CDC42SE2: variants seen among roughly 807,000 people sequenced by gnomAD.
The protein encoded by CDC42SE2 is CDC42 small effector protein 2.
Under a neutral mutation model 11.5 loss-of-function variants are expected in CDC42SE2, and 3 were observed. That is an observed-to-expected ratio of 0.26 (90% confidence interval 0.12 to 0.67). The LOEUF is 0.67. CDC42SE2 is among the 30% of genes least tolerant of loss of function. CDC42SE2 has a pLI of 0.80. For synonymous variants in CDC42SE2, 33 were observed against 34.8 expected (o/e 0.95, Z 0.18); for missense variants, 82 against 106.8 (o/e 0.77, Z 1.02).
chr5:131,224,330 G>C, the CDC42SE2 span, among the ~76,000 whole-genome samples: 1 of 152,112 alleles, frequency 6.6e-6, no homozygotes, highest in Non-Finnish European at 1.5e-5. Flanking sequence ...AGATCTCATA[G>C]AGAATTCCAG....
chr5:131,257,841 C>T lies in CDC42SE2; in HGVS notation n.242+2612C>T, dbSNP rs369827477. 5.9e-5 allele frequency among the ~76,000 whole-genome samples: 9 copies of T among 152,236 alleles called. No homozygotes were observed. The South Asian group carries it at 1.0e-3, about 18-fold the overall frequency. ...TTTGAGACCATCTAACAAGATATTCCGTTTCTCCTCTTCCTGGATTCCTGG... is the reference window on the plus strand; with the variant it reads ...TTTGAGACCATCTAACAAGATATTCTGTTTCTCCTCTTCCTGGATTCCTGG... On this transcript the variant is annotated intron_variant and non_coding_transcript_variant, in intron 2 of 3. Coordinates refer to the CDC42SE2 transcript ENST00000502840.
intron 2 of CDC42SE2, among the ~76,000 whole-genome samples, chr5:131,322,733 T>C (rs952574175): frequency 1.3e-5 from 2 of 152,206 alleles, no homozygotes; most frequent in African/African-American, 4.8e-5. Flanking sequence ...TCTTGGCTGT[T>C]GTGCTACCTC....
At chr5:131,220,884 CTTTTT>C in the CDC42SE2 span, among the ~76,000 whole-genome samples, 1 of 129,036 alleles carries the variant, frequency 7.7e-6, no homozygotes, top group Non-Finnish European at 1.6e-5. Context: ...CACCAGAAAC[CTTTTT>C]TTTTTTTTTT....
At chr5:131,384,655 T>C (rs1280850663) in intron 3 of CDC42SE2, among the ~76,000 whole-genome samples, 1 of 151,980 alleles carries the variant, frequency 6.6e-6, no homozygotes, top group Non-Finnish European at 1.5e-5. Flanking sequence ...AGATAATCAG[T>C]GAAACACAGC....
At chr5:131,217,701 A>C in the CDC42SE2 span, among the ~76,000 whole-genome samples, 1 of 152,210 alleles carries the variant, frequency 6.6e-6, no homozygotes, top group Non-Finnish European at 1.5e-5. Context: ...AGCATTAACT[A>C]TAAGGGAAAA....
At chr5:131,271,072 G>T (rs1427903272) in intron 1 of CDC42SE2, among the ~76,000 whole-genome samples, 1 of 152,190 alleles carries the variant, frequency 6.6e-6, no homozygotes, top group African/African-American at 2.4e-5. Flanking sequence ...AGTGGTTGAG[G>T]ATTCTATGTC....
intron 2 of CDC42SE2, among the ~76,000 whole-genome samples, chr5:131,326,606 C>CT (rs1370459972): frequency 3.3e-5 from 5 of 151,976 alleles, no homozygotes; most frequent in Admixed American, 3.3e-4. Context: ...TTGATTTTAG[C>CT]TTTTTCTCCC....
chr5:131,214,035 G>T, the CDC42SE2 span, among the ~76,000 whole-genome samples: 2 of 152,182 alleles, frequency 1.3e-5, no homozygotes, highest in Non-Finnish European at 2.9e-5. Flanking sequence ...CAGCAAGGAA[G>T]TAGGCAATTG....
chr5:131,242,044 G>C (rs1179208694), upstream of CDC42SE2, among the ~76,000 whole-genome samples: 1 of 151,972 alleles, frequency 6.6e-6, no homozygotes, highest in Admixed American at 6.6e-5. Context: ...CTATTCATTT[G>C]CCCCACCTAA....
chr5:131,337,637 G>A (rs549693297), intron 2 of CDC42SE2, among the ~76,000 whole-genome samples: 39 of 152,348 alleles, frequency 2.6e-4, no homozygotes, highest in Admixed American at 1.2e-3. Flanking sequence ...CTTCCAGGCT[G>A]CTTTGTTTAC....
At chr5:131,348,118 C>G (rs1367058890) in intron 2 of CDC42SE2, among the ~76,000 whole-genome samples, 1 of 152,130 alleles carries the variant, frequency 6.6e-6, no homozygotes, top group Non-Finnish European at 1.5e-5. Context: ...CACTCCTATT[C>G]AACATAGTGT....
intron 2 of CDC42SE2, among the ~76,000 whole-genome samples, chr5:131,349,808 G>T (rs772067572): frequency 6.6e-5 from 10 of 152,208 alleles, no homozygotes; most frequent in Non-Finnish European, 1.5e-4. Context: ...AAATGCATAT[G>T]CAGTTATTTT....
intron 1 of CDC42SE2, among the ~76,000 whole-genome samples, chr5:131,293,494 C>T (rs911922816): frequency 1.3e-5 from 2 of 151,310 alleles, no homozygotes; most frequent in African/African-American, 4.9e-5. Flanking sequence ...ATCGCTTGAA[C>T]CCGGGAGGCG....
In CDC42SE2 at chr5:131,345,765, C is replaced by T. The variant is rs369027931; in HGVS notation, c.-285-13444C>T. 3.5e-4 allele frequency among the ~76,000 whole-genome samples: 53 copies of T among 152,288 alleles called. No individual in the cohort carries two copies. The East Asian group carries it at 7.5e-3, about 22-fold the overall frequency. On this transcript the variant is annotated intron_variant, in intron 2 of 4. Coordinates refer to ENST00000505065, the MANE Select transcript of CDC42SE2 (RefSeq NM_001375635.1). ...AGCCAGAGAGAAAGGTCGGGTTACC[C>T]ACAAAGGGAAGCCCATCAGACTAAC...
chr5:131,351,644 T>G (rs926796174), intron 2 of CDC42SE2, among the ~76,000 whole-genome samples: 3 of 152,204 alleles, frequency 2.0e-5, no homozygotes, highest in Admixed American at 1.3e-4. Context: ...ATATCCATAT[T>G]TTTTTAAAAA....
At chr5:131,292,458 C>T (rs1757476938) in intron 1 of CDC42SE2, among the ~76,000 whole-genome samples, 1 of 148,968 alleles carries the variant, frequency 6.7e-6, no homozygotes, top group Admixed American at 6.7e-5. Context: ...ATCCCAGCCA[C>T]TTGGGAGGCT....
rs1303572558 is a variant in CDC42SE2 at position 131,392,245 on chromosome 5, A to G, written c.*1154A>G. The G allele has an allele frequency of 6.6e-6, 1 of 152,614 alleles. No individual in the cohort carries two copies. The highest frequency in any genetic ancestry group is 1.5e-5 in the Non-Finnish European group (1 of 68,010). 9.5% of individuals were successfully genotyped at this position (152,614 alleles called of 1,614,324 possible). A position where few individuals can be genotyped will look rare whatever the true frequency, so the allele number is the denominator to read the frequency against. On this transcript the variant is annotated 3_prime_UTR_variant, in exon 5 of 5. Coordinates refer to ENST00000505065, the MANE Select transcript of CDC42SE2 (RefSeq NM_001375635.1). ...ACCTGCTATTATTTGTTAATTTGCCATCATTTATGTATATTTTGGAAGGTA... is the reference window on the plus strand; with the variant it reads ...ACCTGCTATTATTTGTTAATTTGCCGTCATTTATGTATATTTTGGAAGGTA...
At chr5:131,297,700 A>G (rs577045358) in intron 1 of CDC42SE2, among the ~76,000 whole-genome samples, 3 of 152,012 alleles carry the variant, frequency 2.0e-5, no homozygotes, top group Non-Finnish European at 4.4e-5. Context: ...AGCCTGGGTG[A>G]CAGAGCAAGA....
chr5:131,269,198 C>G (rs1756941225), intron 1 of CDC42SE2, among the ~76,000 whole-genome samples: 1 of 152,030 alleles, frequency 6.6e-6, no homozygotes, highest in African/African-American at 2.4e-5. Flanking sequence ...AAAGGGAGTT[C>G]CTGAATTGAA....
Sources: allele counts gnomAD v4.1 joint callset (sites outside exome capture counted in the v4.1 genomes callset), GRCh38; gene constraint gnomAD v4.1.1; transcripts MANE v1.5; gene names NCBI Gene and HGNC (gene_info 2026-07-23, HGNC 2026-07-21).